Variants in RYR3 observed in about 807,000 individuals in gnomAD.
The protein encoded by RYR3 is ryanodine receptor 3.
In RYR3, 207 loss-of-function variants were observed where a neutral mutation model predicts 584.3. The ratio of observed to expected loss-of-function variants is 0.35; its 90% CI spans 0.32 to 0.40. The LOEUF is 0.40. Ranked by LOEUF, RYR3 falls within the 10% of genes least tolerant of loss-of-function variation. The pLI, the probability that RYR3 is intolerant of heterozygous loss-of-function variation, is 1.00. For synonymous variants in RYR3, 2,416 were observed against 2,248.5 expected (o/e 1.07, Z -2.11); for missense variants, 5,616 against 6,089.2 (o/e 0.92, Z 2.59).
intron 43 of RYR3, among the ~76,000 whole-genome samples, chr15:33,711,450 A>T (rs1424374799): frequency 6.6e-6 from 1 of 151,934 alleles, no homozygotes; most frequent in African/African-American, 2.4e-5. Context: ...TCACCGTGTT[A>T]GCCAGGATGG....
intron 64 of RYR3, among the ~76,000 whole-genome samples, chr15:33,778,611 T>G (rs1406999182): frequency 6.6e-6 from 1 of 152,222 alleles, no homozygotes; most frequent in East Asian, 1.9e-4. Context: ...AGGCCTGGCC[T>G]GGGGCCTGCC....
At chr15:33,487,734 A>T (rs2050584719) in intron 2 of RYR3, among the ~76,000 whole-genome samples, 1 of 152,226 alleles carries the variant, frequency 6.6e-6, no homozygotes, top group Admixed American at 6.5e-5. Flanking sequence ...TGCAGGCAGA[A>T]CAAAAAGGGT....
chr15:33,829,260 T>A (rs1216377102), intron 85 of RYR3, among the ~76,000 whole-genome samples: 1 of 152,188 alleles, frequency 6.6e-6, no homozygotes, highest in Non-Finnish European at 1.5e-5. Context: ...GAAATGAATC[T>A]TTTTTTCATG....
chr15:33,698,391 A>G (rs2066013562), intron 40 of RYR3, among the ~76,000 whole-genome samples: 1 of 152,184 alleles, frequency 6.6e-6, no homozygotes, highest in Admixed American at 6.5e-5. Flanking sequence ...GTGTTTCCCC[A>G]GAAGTGTTGA....
intron 17 of RYR3, among the ~76,000 whole-genome samples, chr15:33,602,905 C>G (rs772344352): frequency 5.3e-5 from 8 of 151,904 alleles, no homozygotes; most frequent in Non-Finnish European, 1.2e-4. Flanking sequence ...ACCACCATAC[C>G]CAGCTAATTT....
At chr15:33,850,798 CCT>C (rs992823640) in intron 94 of RYR3, 38 of 152,108 alleles carry the variant, frequency 2.5e-4, no homozygotes, top group African/African-American at 8.9e-4. Flanking sequence ...TATTATCCTC[CCT>C]GATTATATCT....
intron 11 of RYR3, among the ~76,000 whole-genome samples, chr15:33,564,074 C>G (rs992054059): frequency 1.3e-5 from 2 of 152,196 alleles, no homozygotes; most frequent in Admixed American, 6.5e-5. Context: ...CCACCTTGAT[C>G]TTTGTTTTCT....
chr15:33,816,870 C>G lies in RYR3; in HGVS notation c.10511C>G (p.Ser3504Cys), dbSNP rs1301632451. 11 of 1,611,230 alleles carry G rather than the reference C, an allele frequency of 6.8e-6. No individual in the cohort carries two copies. The East Asian group carries it at 8.9e-5, about 13-fold the overall frequency. Residue 3504 changes from serine (S) to cysteine (C), a missense_variant, in exon 75 of 104, where the codon TCT becomes TGT. This residue lies in a region of RYR3 where 954 missense variants were observed against 1,132.2 expected (regional missense o/e 0.84). Transcript: ENST00000634891. ...TCACCCCTTCCGCTCAGGCACCGCT[C>G]TATTAACCTCTTCCTCCATGGCTAT... ...APLYNLPRHR[S>C]INLFLHGYQR... is the part of the protein sequence containing the mutation.
Position 33,722,878 on chromosome 15 carries a change from A to G in RYR3, c.6783A>G (p.Gln2261=). ...SENPALDLPS[Q]GYKREVSTGD... ...ACCCAGCGCTCGACCTCCCCTCTCA[A>G]GGATACAAAAGAGAAGTGTAAGTGA... Residue 2261 remains glutamine (Q), a synonymous_variant, in exon 44 of 104, where the codon CAA becomes CAG. Coordinates refer to ENST00000634891, the MANE Select transcript of RYR3 (RefSeq NM_001036.6). The G allele has an allele frequency of 6.3e-7, 1 of 1,579,816 alleles. No individual in the cohort carries two copies. Among genetic ancestry groups the G allele is most frequent in the Non-Finnish European group, 8.6e-7 (1 of 1,166,184 alleles).
chr15:33,474,066 G>A (rs1404023216), intron 2 of RYR3, among the ~76,000 whole-genome samples: 2 of 152,230 alleles, frequency 1.3e-5, no homozygotes, highest in Non-Finnish European at 2.9e-5. Context: ...CAATAATGCT[G>A]TGTCTTTTCA....
chr15:33,797,702 T>C (rs1391115974), intron 67 of RYR3, among the ~76,000 whole-genome samples: 1 of 152,116 alleles, frequency 6.6e-6, no homozygotes, highest in Admixed American at 6.5e-5. Flanking sequence ...CAAGATTTTG[T>C]TCCTGATGCT....
chr15:33,441,437 G>C (rs1041867129), intron 1 of RYR3, among the ~76,000 whole-genome samples: 3 of 152,130 alleles, frequency 2.0e-5, no homozygotes, highest in African/African-American at 7.2e-5. Flanking sequence ...TAATTTTCGT[G>C]ACAGCCTAAT....
intron 16 of RYR3, among the ~76,000 whole-genome samples, chr15:33,593,909 C>A (rs2059252263): frequency 6.6e-6 from 1 of 152,110 alleles, no homozygotes; most frequent in Non-Finnish European, 1.5e-5. Context: ...TACAGTGCAG[C>A]AAGGGTAATT....
chr15:33,416,539 A>T lies in RYR3; in HGVS notation c.52-56880A>T, dbSNP rs1003736154. The stretch of plus-strand genomic sequence containing the variant: ...CTTCGCTTACTTTTTAATGGGTTAT[A>T]TGTTTTTTTCTTCTTGATTTTAAGC... On this transcript the variant is annotated intron_variant, in intron 1 of 103. Coordinates refer to ENST00000634891, the MANE Select transcript of RYR3 (RefSeq NM_001036.6). Among the ~76,000 whole-genome samples the T allele has an allele frequency of 2.6e-5, 4 of 151,950 alleles. No homozygotes were observed. In the East Asian group the frequency reaches 7.7e-4, roughly 29 times the overall value.
chr15:33,805,516 C>G (rs1278408284), intron 69 of RYR3, among the ~76,000 whole-genome samples: 1 of 149,758 alleles, frequency 6.7e-6, no homozygotes, highest in Non-Finnish European at 1.5e-5. Flanking sequence ...CCTGCTCTGT[C>G]GCCCAGGCTG....
chr15:33,568,221 C>T (rs1186719559), intron 12 of RYR3, among the ~76,000 whole-genome samples: 1 of 152,118 alleles, frequency 6.6e-6, no homozygotes, highest in African/African-American at 2.4e-5. Context: ...TGAAAACATT[C>T]TGAAACTGAT....
chr15:33,629,906 C>T (rs1473770094), intron 21 of RYR3, 34 bp from the exon 22 acceptor site: 1 of 1,315,224 alleles, frequency 7.6e-7, no homozygotes, highest in Non-Finnish European at 1.1e-6. Flanking sequence ...CTGGTCAAAA[C>T]TTAAATCACA....
At chr15:33,625,704 C>T (rs1411089532) in intron 20 of RYR3, among the ~76,000 whole-genome samples, 1 of 152,104 alleles carries the variant, frequency 6.6e-6, no homozygotes, top group African/African-American at 2.4e-5. Flanking sequence ...AAGGGCACTT[C>T]TGGGAAAATA....
chr15:33,635,730 G>C lies in RYR3; in HGVS notation c.3292G>C (p.Asp1098His), dbSNP rs1382228973. 6.2e-7 allele frequency: 1 copy of C among 1,613,958 alleles called. No individual in the cohort carries two copies. ...TGAGTTTGAAGTGGTGACTGGAGGA[G>C]ACATGCGAGTCGGCTGGGCGAGGCC... ...YFEFEVVTGG[D>H]MRVGWARPGC... is the part of the protein sequence containing the mutation. Residue 1098 changes from aspartate to histidine, a missense_variant, in exon 26 of 104, where the codon GAC (aspartate) becomes CAC (histidine). By Grantham distance (81) the Asp-to-His change is moderately conservative. Coordinates refer to ENST00000634891, the MANE Select transcript of RYR3 (RefSeq NM_001036.6).
Sources: gnomAD v4.1 joint callset for allele counts (sites outside exome capture counted in the v4.1 genomes callset) on GRCh38, gnomAD v4.1.1 for gene constraint, gnomAD v4.1.1 regional missense constraint, MANE v1.5 for transcripts, NCBI Gene and HGNC (gene_info 2026-07-23, HGNC 2026-07-21) for gene names.